The following COLEC12 variants were observed in gnomAD, a reference collection of about 807,000 sequenced individuals.
COLEC12 encodes the protein collectin-12.
A neutral mutation model predicts 71.1 loss-of-function variants in COLEC12; 33 were observed. The ratio of observed to expected loss-of-function variants is 0.46; its 90% CI spans 0.35 to 0.62. The LOEUF is 0.62. COLEC12 is among the 20% of genes least tolerant of loss of function. The pLI is 0.00. For synonymous variants in COLEC12, 350 were observed against 353.0 expected (o/e 0.99, Z 0.10); for missense variants, 765 against 916.1 (o/e 0.84, Z 2.13).
intron 2 of COLEC12, among the ~76,000 whole-genome samples, chr18:445,635 C>CTT (rs35766404): frequency 0.21 from 28,878 of 137,226 alleles, 4,089 homozygotes; most frequent in South Asian, 0.42. Flanking sequence ...CACTAATCCA[C>CTT]TTTTTTTTTT....
chr18:346,168 T>C lies in COLEC12; in HGVS notation c.1327+127A>G, dbSNP rs878902164. 1.4e-6 allele frequency: 1 copy of C among 711,538 alleles called. No homozygotes were observed. The highest frequency in any genetic ancestry group is 1.9e-5 in the South Asian group (1 of 52,820). The allele number at this position is 711,538 out of a possible 1,614,324, so 44.1% of individuals were successfully genotyped here. A position where few individuals can be genotyped will look rare whatever the true frequency, so the allele number is the denominator to read the frequency against. On this transcript the variant is annotated intron_variant, in intron 5 of 9. Transcript: ENST00000400256. This position sits in a 1 kb window ranked among gnomAD's most constrained non-coding sequence, Gnocchi z 4.0. ...CAGGACCATCTAGCTAAGCTGCTCTTGAATTCCTGGTCCACAAAAACTATG... is the reference window on the plus strand; with the variant it reads ...CAGGACCATCTAGCTAAGCTGCTCTCGAATTCCTGGTCCACAAAAACTATG...
At position 500,536 on chromosome 18, in the gene COLEC12, C is replaced by A. The variant is rs781540874; in HGVS notation, c.-22G>T. On this transcript the variant is annotated 5_prime_UTR_variant, in exon 1 of 10. Coordinates refer to ENST00000400256, the MANE Select transcript of COLEC12 (RefSeq NM_130386.3). The surrounding 1 kb of genome is among the most constrained non-coding windows in gnomAD (Gnocchi z 5.3). ...TCATGGTGACCGTGGGGACGCACCG[C>A]CGGCCGGGGAGCTCCGCGCGAGCGC... is the stretch of plus-strand genomic sequence containing the variant. 6.5e-6 allele frequency: 8 copies of A among 1,225,082 alleles called. No homozygotes were observed. The South Asian group carries it at 2.3e-4, about 36-fold the overall frequency. 75.9% of individuals were successfully genotyped at this position (1,225,082 alleles called of 1,614,324 possible).
At chr18:484,884 C>A (rs1917491051) in intron 1 of COLEC12, among the ~76,000 whole-genome samples, 1 of 152,156 alleles carries the variant, frequency 6.6e-6, no homozygotes, top group African/African-American at 2.4e-5. Flanking sequence ...CTGATTCAGG[C>A]TGATAGAACA....
At chr18:390,011 A>C (rs1356308367) in intron 2 of COLEC12, among the ~76,000 whole-genome samples, 1 of 152,234 alleles carries the variant, frequency 6.6e-6, no homozygotes, top group African/African-American at 2.4e-5. Context: ...CTAAGGCTAA[A>C]GATAAGGTTC....
At chr18:397,506 T>C (rs1330336030) in intron 2 of COLEC12, among the ~76,000 whole-genome samples, 1 of 152,224 alleles carries the variant, frequency 6.6e-6, no homozygotes, top group Non-Finnish European at 1.5e-5. Context: ...GTTTTTTGTT[T>C]CTTTGTTTTG....
rs116407690 is a variant in COLEC12, at chr18:348,079, T to C, written c.266A>G (p.Asp89Gly). 6.2e-7 allele frequency: 1 copy of C among 1,612,700 alleles called. No homozygotes were observed. Among genetic ancestry groups the C allele is most frequent in the African/African-American group, 1.3e-5 (1 of 75,008 alleles). The change falls in exon 4 of 10, where the codon GAC becomes GGC. Residue 89 changes from aspartate (D) to glycine (G), a missense_variant. By Grantham distance (94) the Asp-to-Gly change is moderately conservative (BLOSUM62 -1). Coordinates refer to ENST00000400256, the MANE Select transcript of COLEC12 (RefSeq NM_130386.3). ...TCACAGATTACCTAATTTTTTCAGG[T>C]CACTTTCCACTGCTGTGAGCTTGTC... ...YDDKLTAVES[D>G]LKKLGDQTGK...
chr18:414,547 G>A (rs10459985), intron 2 of COLEC12, among the ~76,000 whole-genome samples: 49,056 of 152,024 alleles, frequency 0.32, 8,482 homozygotes, highest in South Asian at 0.55. Context: ...GCAGTGAGCC[G>A]AGATCATGCC....
At chr18:377,904 G>A (rs112775069) in intron 2 of COLEC12, among the ~76,000 whole-genome samples, 8 of 151,894 alleles carry the variant, frequency 5.3e-5, no homozygotes, top group Non-Finnish European at 7.4e-5. Context: ...GTGGCGGGGC[G>A]GGTTGGGGCT....
chr18:358,276 G>C (rs1378044724), intron 2 of COLEC12, among the ~76,000 whole-genome samples: 1 of 152,186 alleles, frequency 6.6e-6, no homozygotes, highest in Non-Finnish European at 1.5e-5. Flanking sequence ...GACCAGAGTA[G>C]GGGTAGGGAT....
intron 8 of COLEC12, among the ~76,000 whole-genome samples, chr18:325,637 T>C (rs945312269): frequency 7.3e-5 from 10 of 136,144 alleles, no homozygotes; most frequent in African/African-American, 2.5e-4. Context: ...CTTTTTTTTT[T>C]TTTTTTTTTT....
intron 2 of COLEC12, among the ~76,000 whole-genome samples, chr18:393,809 G>A (rs1316314570): frequency 2.0e-5 from 3 of 152,148 alleles, no homozygotes; most frequent in South Asian, 2.1e-4. Context: ...TGCCATGTAC[G>A]TTTATCTTTG....
At chr18:385,993 A>G (rs1007154862) in intron 2 of COLEC12, among the ~76,000 whole-genome samples, 1 of 152,184 alleles carries the variant, frequency 6.6e-6, no homozygotes, top group Non-Finnish European at 1.5e-5. Flanking sequence ...GATGTCCTTT[A>G]AGGTTGATCT....
chr18:319,856 G>C lies in COLEC12; in HGVS notation c.*189C>G. 1.7e-6 allele frequency: 1 copy of C among 599,934 alleles called. No individual in the cohort carries two copies. The highest frequency in any genetic ancestry group is 2.1e-5 in the South Asian group (1 of 47,844). 37.2% of individuals were successfully genotyped at this position (599,934 alleles called of 1,614,324 possible). On this transcript the variant is annotated 3_prime_UTR_variant, in exon 10 of 10. Transcript: ENST00000400256. ...AATGAAAATCAGCATATCACCCTGG[G>C]GAACATTTTAGTTCCCAAGTCTTTG... is the stretch of plus-strand genomic sequence containing the variant.
At chr18:385,805 G>C (rs1915332739) in intron 2 of COLEC12, among the ~76,000 whole-genome samples, 1 of 152,160 alleles carries the variant, frequency 6.6e-6, no homozygotes. Flanking sequence ...ATACATGGAA[G>C]AAAGGATGGA....
chr18:340,469 G>A (rs1338336608), intron 5 of COLEC12, among the ~76,000 whole-genome samples: 1 of 152,230 alleles, frequency 6.6e-6, no homozygotes, highest in African/African-American at 2.4e-5. Flanking sequence ...GCAGTTCAAA[G>A]AGGATGGAAG....
intron 3 of COLEC12, among the ~76,000 whole-genome samples, chr18:351,435 T>C (rs1224052308): frequency 6.6e-6 from 1 of 152,230 alleles, no homozygotes; most frequent in Non-Finnish European, 1.5e-5. Context: ...CTCACTGCAC[T>C]GTGCTGTCAT....
intron 1 of COLEC12, among the ~76,000 whole-genome samples, chr18:486,603 G>A (rs1027564307): frequency 6.6e-6 from 1 of 152,338 alleles, no homozygotes; most frequent in Non-Finnish European, 1.5e-5. Context: ...ACACAGGTCT[G>A]TGGGACTCAG....
At chr18:390,056 TAAAC>T (rs1481892829) in intron 2 of COLEC12, among the ~76,000 whole-genome samples, 1 of 152,198 alleles carries the variant, frequency 6.6e-6, no homozygotes, top group Non-Finnish European at 1.5e-5. Context: ...AAAGCATAAA[TAAAC>T]AAAACACAAA....
At chr18:334,684 C>T (rs184296219) in intron 6 of COLEC12, 58 bp downstream of exon 6, 17,946 of 1,393,262 alleles carry the variant, frequency 0.013, 156 homozygotes, top group Middle Eastern at 0.033. Flanking sequence ...GGGGTTGGCT[C>T]AGTCTCAAGC....
Sources: allele counts gnomAD v4.1 joint callset (sites outside exome capture counted in the v4.1 genomes callset), GRCh38; gene constraint gnomAD v4.1.1; non-coding constraint Gnocchi (gnomAD v3.1); transcripts MANE v1.5; gene names NCBI Gene and HGNC (gene_info 2026-07-23, HGNC 2026-07-21).